AKAP3: variants seen among roughly 807,000 people sequenced by gnomAD.
AKAP3 encodes A-kinase anchor protein 3.
AKAP3 carries 27 observed loss-of-function variants against 57.2 expected under a neutral mutation model. The observed-to-expected ratio is 0.47, with a 90% CI of 0.35 to 0.65. The LOEUF (loss-of-function observed/expected upper bound fraction) is 0.65, where lower values mean the gene tolerates loss of function less well. Among genes scored for constraint, AKAP3 ranks in the 30% least tolerant of loss-of-function variants. The pLI is 0.01. For synonymous variants in AKAP3, 334 were observed against 392.3 expected (o/e 0.85, Z 1.76); for missense variants, 959 against 1,040.0 (o/e 0.92, Z 1.07).
At chr12:4,645,941 G>C (rs1945693274) in intron 1 of AKAP3, 1 of 152,104 alleles carries the variant, frequency 6.6e-6, no homozygotes, top group East Asian at 1.9e-4. Flanking sequence ...AGAATTGAGG[G>C]TCTAAATTTT....
intron 4 of AKAP3, chr12:4,635,604 C>T (rs1945554821): frequency 2.7e-6 from 2 of 731,036 alleles, no homozygotes; most frequent in Admixed American, 2.0e-5. Context: ...CCTGATAAAG[C>T]TATTACAATA....
chr12:4,628,681 G>T lies in AKAP3; in HGVS notation c.221C>A (p.Ser74Ter). 6.2e-7 allele frequency: 1 copy of T among 1,614,130 alleles called. No homozygotes were observed. The highest frequency in any genetic ancestry group is 8.5e-7 in the Non-Finnish European group (1 of 1,180,008). The change falls in exon 5 of 6, where the codon TCA becomes TAA. Residue 74 changes from serine (S) to a stop codon, truncating the protein, a stop_gained. Transcript: ENST00000228850. LOFTEE classifies it high-confidence loss of function. ...GESFGGETSN[S>*]GDPHKGFSVD... Reference sequence around the variant, plus strand: ...AGAGAAACCTTTGTGTGGGTCTCCTGAGTTGGACGTTTCCCCACCAAATGA... The same window carrying T: ...AGAGAAACCTTTGTGTGGGTCTCCTTAGTTGGACGTTTCCCCACCAAATGA...
intron 4 of AKAP3, among the ~76,000 whole-genome samples, chr12:4,636,693 A>T (rs1043657427): frequency 3.3e-5 from 5 of 152,222 alleles, no homozygotes; most frequent in Admixed American, 1.3e-4. Flanking sequence ...GATTTGGACA[A>T]ATAGAAGAAG....
chr12:4,628,603 T>A lies in AKAP3; in HGVS notation c.299A>T (p.Glu100Val). 1 of 1,614,222 alleles carries A rather than the reference T, an allele frequency of 6.2e-7. No homozygotes were observed. The highest frequency in any genetic ancestry group is 8.5e-7 in the Non-Finnish European group (1 of 1,180,008). The change falls in exon 5 of 6, where the codon GAG becomes GTG. Residue 100 changes from glutamate to valine, a missense_variant. Glu to Val is a moderately radical substitution (Grantham distance 121). Coordinates refer to ENST00000228850, the MANE Select transcript of AKAP3 (RefSeq NM_001278309.2). ...TKGTPERLHF[E>V]MTHKEIPCQG... ...GCAAGGAATCTCTTTGTGAGTCATC[T>A]CAAAATGCAATCTTTCTGGAGTGCC...
chr12:4,627,819 A>G lies in AKAP3; in HGVS notation c.1083T>C (p.Thr361=). 6.2e-7 allele frequency: 1 copy of G among 1,614,154 alleles called. No individual in the cohort carries two copies. The highest frequency in any genetic ancestry group is 1.1e-5 in the South Asian group (1 of 91,068). The part of the protein sequence containing the change: ...DTQFVSAVKR[T]VFSHGSQKAT... ...CCTTTTGGCTTCCATGAGAGAAGAC[A>G]GTTCTTTTCACAGCCGAGACAAACT... Residue 361 remains threonine (T), a synonymous_variant, in exon 5 of 6, where the codon ACT becomes ACC. Transcript: ENST00000228850.
chr12:4,634,183 A>C (rs1188759169), intron 4 of AKAP3, among the ~76,000 whole-genome samples: 1 of 152,132 alleles, frequency 6.6e-6, no homozygotes, highest in Non-Finnish European at 1.5e-5. Context: ...CAATATACCG[A>C]ATTGATCAAA....
rs540888955 is a variant in AKAP3, at chr12:4,615,850, C to T, written c.2451G>A (p.Val817=). 267 of 1,614,204 alleles carry T rather than the reference C, an allele frequency of 1.7e-4. 4 individuals carry two copies. The South Asian group carries it at 2.7e-3, about 16-fold the overall frequency. The change falls in exon 6 of 6, where the codon GTG becomes GTA. Residue 817 remains valine, a synonymous_variant. Transcript: ENST00000228850. ...GCAGCACCGACTGCAGAACCTCGCCCACACTGCATCCTTTGTCCACAGCAG... is the reference window on the plus strand; with the variant it reads ...GCAGCACCGACTGCAGAACCTCGCCTACACTGCATCCTTTGTCCACAGCAG... ...SAAAVDKGCS[V]GEVLQSVLRY...
intron 5 of AKAP3, among the ~76,000 whole-genome samples, chr12:4,624,809 G>GGTGTGTGT (rs1555126704): frequency 1.5e-4 from 13 of 87,870 alleles, no homozygotes; most frequent in South Asian, 1.4e-3. Context: ...AGTAGACAAA[G>GGTGTGTGT]GTGTGTGTGT....
At chr12:4,631,180 G>A in intron 4 of AKAP3, 1 of 527,640 alleles carries the variant, frequency 1.9e-6, no homozygotes, top group Non-Finnish European at 3.3e-6. Flanking sequence ...GCCAATTGGT[G>A]GCAGCAATGA....
chr12:4,642,366 C>T (rs866976650), intron 2 of AKAP3, among the ~76,000 whole-genome samples: 3 of 152,010 alleles, frequency 2.0e-5, no homozygotes, highest in African/African-American at 4.8e-5. Flanking sequence ...GAATAAGCAC[C>T]CTGAATTTAT....
intron 5 of AKAP3, among the ~76,000 whole-genome samples, chr12:4,620,077 C>G (rs1398058832): frequency 6.6e-6 from 1 of 152,054 alleles, no homozygotes; most frequent in Non-Finnish European, 1.5e-5. Context: ...AGTCTCCAGT[C>G]CTATCGGATA....
At chr12:4,648,393 A>G (rs1945724775) in intron 1 of AKAP3, 1 of 152,244 alleles carries the variant, frequency 6.6e-6, no homozygotes, top group South Asian at 2.1e-4. Context: ...TTCATATGCT[A>G]GTTGGTGATA....
chr12:4,632,653 T>C (rs1440984105), intron 4 of AKAP3, among the ~76,000 whole-genome samples: 1 of 151,508 alleles, frequency 6.6e-6, no homozygotes, highest in East Asian at 2.0e-4. Flanking sequence ...TTTTTGTTTT[T>C]GTTTTGATAC....
intron 3 of AKAP3, among the ~76,000 whole-genome samples, chr12:4,639,190 G>A (rs1244034397): frequency 2.0e-5 from 3 of 151,842 alleles, no homozygotes; most frequent in African/African-American, 7.3e-5. Flanking sequence ...TTGAAAACAT[G>A]GCCAACTCTC....
In AKAP3 at chr12:4,627,437, C is replaced by G; in HGVS notation, c.1465G>C (p.Ala489Pro). ...GGGTACTCAAAGGAAATGTCTGATG[C>G]AGGCTTACGCTGTGTGTTGGGAGCT... ...FEAPNTQRKP[A>P]SDISFEYPED... is the part of the protein sequence containing the mutation. The change falls in exon 5 of 6, where the codon GCA (alanine) becomes CCA (proline). Residue 489 changes from alanine (A) to proline (P), a missense_variant. Coordinates refer to ENST00000228850, the MANE Select transcript of AKAP3 (RefSeq NM_001278309.2). 1 of 1,613,894 alleles carries G rather than the reference C, an allele frequency of 6.2e-7. No individual in the cohort carries two copies.
intron 4 of AKAP3, among the ~76,000 whole-genome samples, chr12:4,636,826 T>TCAAGTG (rs1945571921): frequency 6.6e-6 from 1 of 152,202 alleles, no homozygotes; most frequent in African/African-American, 2.4e-5. Context: ...CACAGCTCAC[T>TCAAGTG]ACGACCTCAA....
rs1382498521 is a variant in AKAP3, at chr12:4,627,877, T to C, written c.1025A>G (p.His342Arg). 6.8e-6 allele frequency: 11 copies of C among 1,614,056 alleles called. No homozygotes were observed. Among genetic ancestry groups the C allele is most frequent in the Non-Finnish European group, 8.5e-6 (10 of 1,180,018 alleles). Residue 342 changes from histidine (H) to arginine (R), a missense_variant, in exon 5 of 6, where the codon CAC becomes CGC. Transcript: ENST00000228850. ...DLIDSFLRNL[H>R]SVTGTLMTDT... is the part of the protein sequence containing the mutation. ...AGTCATGAGGGTCCCTGTGACGCTGTGGAGATTCCTCAAGAAGGAGTCGAT... is the reference window on the plus strand; with the variant it reads ...AGTCATGAGGGTCCCTGTGACGCTGCGGAGATTCCTCAAGAAGGAGTCGAT...
chr12:4,643,804 G>A (rs1029224204), intron 2 of AKAP3, among the ~76,000 whole-genome samples: 16 of 152,184 alleles, frequency 1.1e-4, no homozygotes, highest in African/African-American at 3.9e-4. Context: ...TCTATCTCAA[G>A]GCAGTTTTCT....
intron 5 of AKAP3, 89 bp downstream of exon 5, chr12:4,626,407 G>C: frequency 7.0e-7 from 1 of 1,426,322 alleles, no homozygotes; most frequent in African/African-American, 1.4e-5. Flanking sequence ...CTTCTCTGTG[G>C]CTATCTTCCC....
Sources: allele counts gnomAD v4.1 joint callset (sites outside exome capture counted in the v4.1 genomes callset), GRCh38; gene constraint gnomAD v4.1.1; transcripts MANE v1.5; gene names NCBI Gene and HGNC (gene_info 2026-07-23, HGNC 2026-07-21).